IRS2: variants seen among roughly 807,000 people sequenced by gnomAD.
IRS2 encodes insulin receptor substrate 2.
In IRS2, 28 loss-of-function variants were observed where a neutral mutation model predicts 70.9. The ratio of observed to expected loss-of-function variants is 0.39; its 90% CI spans 0.29 to 0.54. IRS2 has a LOEUF of 0.54. Ranked by LOEUF, IRS2 falls within the 20% of genes least tolerant of loss-of-function variation. IRS2 has a pLI of 0.59. For missense variants in IRS2, 2,081 were observed against 2,024.1 expected (o/e 1.03, Z -0.54); for synonymous variants, 1,217 against 981.9 (o/e 1.24, Z -4.48).
rs377019243 is a variant in IRS2 at position 109,784,404 on chromosome 13, G to A, written c.1650C>T (p.Ser550=). ...YGYMTMDRPL[S]HCGRSYRRVS... ...CCCGGCGGTAGGAGCGGCCACAGTGGCTCAGGGGCCTGTCCATGGTCATGT... is the reference window on the plus strand; with the variant it reads ...CCCGGCGGTAGGAGCGGCCACAGTGACTCAGGGGCCTGTCCATGGTCATGT... The change falls in exon 1 of 2, where the codon AGC becomes AGT. Residue 550 remains serine (S), a synonymous_variant. Transcript: ENST00000375856. The surrounding 1 kb of genome is among the most constrained non-coding windows in gnomAD (Gnocchi z 5.2). 5 of 1,610,510 alleles carry A rather than the reference G, an allele frequency of 3.1e-6. No homozygotes were observed. Among genetic ancestry groups the A allele is most frequent in the Non-Finnish European group, 3.4e-6 (4 of 1,179,250 alleles).
chr13:109,755,214 C>CTTTTTTTTTTTTT lies in IRS2; in HGVS notation c.*1089_*1090insAAAAAAAAAAAAA, dbSNP rs375324802. 2.1e-4 allele frequency: 40 copies of CTTTTTTTTTTTTT among 193,938 alleles called. No homozygotes were observed. Among genetic ancestry groups the CTTTTTTTTTTTTT allele is most frequent in the South Asian group, 6.0e-4 (3 of 5,026 alleles). 12.0% of individuals were successfully genotyped at this position (193,938 alleles called of 1,614,324 possible). Reference sequence around the variant, plus strand: ...CTCTTTTTATCAGTTTCTTTCTTTCCTTTTTTTTTTTTCTTTTTGTTTTTT... The same window carrying CTTTTTTTTTTTTT: ...CTCTTTTTATCAGTTTCTTTCTTTCCTTTTTTTTTTTTTTTTTTTTTTTTTCTTTTTGTTTTTT... On this transcript the variant is annotated 3_prime_UTR_variant, in exon 2 of 2. Coordinates refer to ENST00000375856, the MANE Select transcript of IRS2 (RefSeq NM_003749.3).
chr13:109,754,455 G>A lies in IRS2; in HGVS notation c.*1849C>T, dbSNP rs1222998652. ...TCCATATTCAGTCCCTATCGTACCT[G>A]GGGGGAGTTACAAAGCAAATACCAC... On this transcript the variant is annotated 3_prime_UTR_variant, in exon 2 of 2. Transcript: ENST00000375856. 9.8e-6 allele frequency: 2 copies of A among 204,522 alleles called. No homozygotes were observed. The highest frequency in any genetic ancestry group is 1.9e-4 in the South Asian group (1 of 5,310). 12.7% of individuals were successfully genotyped at this position (204,522 alleles called of 1,614,324 possible). A position where few individuals can be genotyped will look rare whatever the true frequency, so the allele number is the denominator to read the frequency against.
At chr13:109,772,845 G>A (rs1446706993) in intron 1 of IRS2, among the ~76,000 whole-genome samples, 4 of 151,842 alleles carry the variant, frequency 2.6e-5, no homozygotes, top group East Asian at 1.9e-4. Context: ...ACAGGCGCCC[G>A]CCACCGCACC....
chr13:109,758,155 T>C (rs1343840808), intron 1 of IRS2, among the ~76,000 whole-genome samples: 1 of 152,090 alleles, frequency 6.6e-6, no homozygotes, highest in Non-Finnish European at 1.5e-5. Flanking sequence ...GAGAATCTAA[T>C]TGTTTGTATC....
intron 1 of IRS2, among the ~76,000 whole-genome samples, chr13:109,778,343 T>C (rs1278556998): frequency 6.6e-6 from 1 of 152,236 alleles, no homozygotes; most frequent in Non-Finnish European, 1.5e-5. Flanking sequence ...CTTCCTTCTA[T>C]GAAGTACTAT....
Position 109,784,597 on chromosome 13 carries a change from G to T in IRS2, c.1457C>A (p.Ala486Asp). 7.4e-7 allele frequency: 1 copy of T among 1,352,042 alleles called. No homozygotes were observed. Among genetic ancestry groups the T allele is most frequent in the Non-Finnish European group, 9.5e-7 (1 of 1,057,544 alleles). 83.8% of individuals were successfully genotyped at this position (1,352,042 alleles called of 1,614,324 possible). A position where few individuals can be genotyped will look rare whatever the true frequency, so the allele number is the denominator to read the frequency against. Residue 486 changes from alanine (A) to aspartate (D), a missense_variant, in exon 1 of 2, where the codon GCC becomes GAC. Around this residue, in one of 4 missense-constraint regions of IRS2, gnomAD observed 1,615 missense variants for 1,459.5 expected, o/e 1.11. Transcript: ENST00000375856. This position sits in a 1 kb window ranked among gnomAD's most constrained non-coding sequence, Gnocchi z 5.2. The stretch of plus-strand genomic sequence containing the variant: ...GTCGCTGGGGGAGCCCGAGGCGGAG[G>T]CGCTGCCGCTGGAGGGCCGCTGGCC... ...GPGQRPSSGS[A>D]SASGSPSDPG... is the part of the protein sequence containing the mutation.
Position 109,759,506 on chromosome 13 carries a change from T to C in IRS2, c.4013-3198A>G, listed in dbSNP as rs566796295. 3.9e-5 allele frequency among the ~76,000 whole-genome samples: 6 copies of C among 152,256 alleles called. No homozygotes were observed. In the South Asian group the frequency reaches 6.2e-4, roughly 16 times the overall value. ...GGACCTGCCAGCCGCAGCAGAGGGA[T>C]TGGGATACAACAGAGACCTAAGAAG... is the stretch of plus-strand genomic sequence containing the variant. On this transcript the variant is annotated intron_variant, in intron 1 of 1. Transcript: ENST00000375856.
At chr13:109,779,812 A>G (rs1877657792) in intron 1 of IRS2, among the ~76,000 whole-genome samples, 1 of 152,220 alleles carries the variant, frequency 6.6e-6, no homozygotes, top group Admixed American at 6.5e-5. Flanking sequence ...CAGCAGCTAC[A>G]GAACACAGGC....
At chr13:109,769,370 G>C (rs1424081359) in intron 1 of IRS2, among the ~76,000 whole-genome samples, 2 of 152,142 alleles carry the variant, frequency 1.3e-5, no homozygotes, top group East Asian at 3.9e-4. Flanking sequence ...ATTCCTCCTG[G>C]TCCCTTACTA....
chr13:109,782,685 G>A lies in IRS2; in HGVS notation c.3369C>T (p.Ala1123=), dbSNP rs1378659975. ...QVSGVEAFLQ[A]SQPPDPHRGA... ...CGCGGTGGGGGTCCGGGGGCTGGCT[G>A]GCCTGCAGGAAGGCCTCGACTCCCG... is the stretch of plus-strand genomic sequence containing the variant. The change falls in exon 1 of 2, where the codon GCC becomes GCT. Residue 1123 remains alanine (A), a synonymous_variant. Coordinates refer to ENST00000375856, the MANE Select transcript of IRS2 (RefSeq NM_003749.3). 2 of 1,579,694 alleles carry A rather than the reference G, an allele frequency of 1.3e-6. No individual in the cohort carries two copies. The highest frequency in any genetic ancestry group is 1.8e-5 in the Admixed American group (1 of 54,974).
chr13:109,785,374 C>A lies in IRS2; in HGVS notation c.680G>T (p.Gly227Val). The A allele has an allele frequency of 6.2e-7, 1 of 1,612,478 alleles. No individual in the cohort carries two copies. Reference sequence around the variant, plus strand: ...CTGCTCGCAGTTGAGCTTCACGAAGCCGATGGTGCGCGCAGACAGGCACAG... The same window carrying A: ...CTGCTCGCAGTTGAGCTTCACGAAGACGATGGTGCGCGCAGACAGGCACAG... Reference protein sequence around the residue: ...YRLCLSARTIGFVKLNCEQPS... With the variant: ...YRLCLSARTIVFVKLNCEQPS... Residue 227 changes from glycine to valine, a missense_variant, in exon 1 of 2, where the codon GGC becomes GTC. Around this residue, in one of 4 missense-constraint regions of IRS2, gnomAD observed 320 missense variants for 352.9 expected, o/e 0.91. Transcript: ENST00000375856. This position sits in a 1 kb window ranked among gnomAD's most constrained non-coding sequence, Gnocchi z 9.3.
intron 1 of IRS2, among the ~76,000 whole-genome samples, chr13:109,765,839 A>G (rs1472959805): frequency 1.4e-4 from 7 of 50,566 alleles, no homozygotes; most frequent in Admixed American, 2.8e-4. Flanking sequence ...CCTGACTCCA[A>G]CTCCCCACCA....
intron 1 of IRS2, among the ~76,000 whole-genome samples, chr13:109,763,297 A>G (rs902167885): frequency 1.3e-5 from 2 of 152,256 alleles, no homozygotes; most frequent in African/African-American, 2.4e-5. Context: ...TACGTACTTT[A>G]GAAATGCAAT....
rs1477988318 is a variant in IRS2, at chr13:109,752,704, G to T, written c.*3600C>A. 6.6e-6 allele frequency: 1 copy of T among 152,080 alleles called. No individual in the cohort carries two copies. The highest frequency in any genetic ancestry group is 1.5e-5 in the Non-Finnish European group (1 of 68,030). 9.4% of individuals were successfully genotyped at this position (152,080 alleles called of 1,614,324 possible). A position where few individuals can be genotyped will look rare whatever the true frequency, so the allele number is the denominator to read the frequency against. ...TAATTTAAAAATCACCTTCCAAATT[G>T]CACTGATTTTATTTGTTCAAAAGAT... On this transcript the variant is annotated 3_prime_UTR_variant, in exon 2 of 2. Coordinates refer to ENST00000375856, the MANE Select transcript of IRS2 (RefSeq NM_003749.3).
chr13:109,779,381 A>G (rs1435726089), intron 1 of IRS2, among the ~76,000 whole-genome samples: 1 of 152,234 alleles, frequency 6.6e-6, no homozygotes, highest in Non-Finnish European at 1.5e-5. Flanking sequence ...TCTTCAAAGA[A>G]ATGCTTTGCA....
rs1478004448 is a variant in IRS2 at position 109,783,583 on chromosome 13, A to C, written c.2471T>G (p.Val824Gly). The C allele has an allele frequency of 1.9e-6, 3 of 1,547,946 alleles. No homozygotes were observed. Among genetic ancestry groups the C allele is most frequent in the South Asian group, 2.4e-5 (2 of 83,988 alleles). Residue 824 changes from valine to glycine, a missense_variant, in exon 1 of 2, where the codon GTG (valine) becomes GGG (glycine). Val to Gly is a moderately radical substitution (Grantham distance 109). This residue lies in a region of IRS2 where 1,615 missense variants were observed against 1,459.5 expected (regional missense o/e 1.11). Transcript: ENST00000375856. ...YTCGGDSDQY[V>G]LMSSPVGRIL... ...GCGCCCCACGGGGGAGCTCATGAGCACGTACTGGTCGCTGTCCCCGCCACA... is the reference window on the plus strand; with the variant it reads ...GCGCCCCACGGGGGAGCTCATGAGCCCGTACTGGTCGCTGTCCCCGCCACA...
rs2138937538 is a variant in IRS2 at position 109,785,113 on chromosome 13, G to A, written c.941C>T (p.Thr314Met). The A allele has an allele frequency of 6.3e-7, 1 of 1,591,970 alleles. No homozygotes were observed. Among genetic ancestry groups the A allele is most frequent in the Non-Finnish European group, 8.5e-7 (1 of 1,170,320 alleles). Residue 314 changes from threonine (T) to methionine (M), a missense_variant, in exon 1 of 2, where the codon ACG becomes ATG. Around this residue, in one of 4 missense-constraint regions of IRS2, gnomAD observed 111 missense variants for 133.1 expected, o/e 0.83. Coordinates refer to ENST00000375856, the MANE Select transcript of IRS2 (RefSeq NM_003749.3). The surrounding 1 kb of genome is among the most constrained non-coding windows in gnomAD (Gnocchi z 9.3). ...SKSQSSGSSATHPISVPGARR... is the reference protein window; with the variant it reads ...SKSQSSGSSAMHPISVPGARR... ...CGCGCCGGGGACGCTGATGGGGTGCGTGGCCGACGACCCCGACGATTGGCT... is the reference window on the plus strand; with the variant it reads ...CGCGCCGGGGACGCTGATGGGGTGCATGGCCGACGACCCCGACGATTGGCT...
At chr13:109,760,279 A>G (rs1046853215) in intron 1 of IRS2, among the ~76,000 whole-genome samples, 2 of 152,258 alleles carry the variant, frequency 1.3e-5, no homozygotes, top group African/African-American at 2.4e-5. Flanking sequence ...AAAGAAAACA[A>G]TAAGACTCAC....
chr13:109,755,423 A>T lies in IRS2; in HGVS notation c.*881T>A. ...AGAGACATCTGAGCTTGTAAATAGA[A>T]TAAAAGGCGTTTGCAATGTGAAGTA... is the stretch of plus-strand genomic sequence containing the variant. On this transcript the variant is annotated 3_prime_UTR_variant, in exon 2 of 2. Transcript: ENST00000375856. 4.5e-6 allele frequency: 1 copy of T among 224,520 alleles called. No individual in the cohort carries two copies. Among genetic ancestry groups the T allele is most frequent in the Admixed American group, 5.7e-5 (1 of 17,480 alleles). The allele number at this position is 224,520 out of a possible 1,614,324, so 13.9% of individuals were successfully genotyped here. A position where few individuals can be genotyped will look rare whatever the true frequency, so the allele number is the denominator to read the frequency against.
Sources: gnomAD v4.1 joint callset for allele counts (sites outside exome capture counted in the v4.1 genomes callset) on GRCh38, gnomAD v4.1.1 for gene constraint, gnomAD v4.1.1 regional missense constraint, Gnocchi (gnomAD v3.1) non-coding constraint, MANE v1.5 for transcripts, NCBI Gene and HGNC (gene_info 2026-07-23, HGNC 2026-07-21) for gene names.